Variants in PCBP3 observed in about 807,000 individuals in gnomAD.
PCBP3 encodes poly(rC)-binding protein 3.
A neutral mutation model predicts 52.7 loss-of-function variants in PCBP3; 25 were observed. The ratio of observed to expected loss-of-function variants is 0.47; its 90% CI spans 0.35 to 0.66. The LOEUF (loss-of-function observed/expected upper bound fraction) is 0.66, where lower values mean the gene tolerates loss of function less well. Ranked by LOEUF, PCBP3 falls within the 30% of genes least tolerant of loss-of-function variation. PCBP3 has a pLI of 0.01. For synonymous variants in PCBP3, 162 were observed against 183.0 expected, an observed-to-expected ratio of 0.89 and a Z score of 0.93; for missense variants, 391 against 490.3, an observed-to-expected ratio of 0.80 and a Z score of 1.91.
At position 45,650,772 on chromosome 21, in the gene PCBP3, G is replaced by C. The variant is rs540518953; in HGVS notation, c.-279+6904G>C. 5.9e-5 allele frequency among the ~76,000 whole-genome samples: 9 copies of C among 152,244 alleles called. No homozygotes were observed. In the South Asian group the frequency reaches 1.9e-3, roughly 32 times the overall value. On this transcript the variant is annotated intron_variant, in intron 1 of 17. Transcript: ENST00000681687. ...TATTTCCTGGAAATTTGGCAAAATC[G>C]ATTCTTAAATGGTCTGGATCTGGAC...
At chr21:45,768,754 G>A (rs2089594196) in intron 4 of PCBP3, among the ~76,000 whole-genome samples, 1 of 152,170 alleles carries the variant, frequency 6.6e-6, no homozygotes, top group Non-Finnish European at 1.5e-5. Context: ...CCCCATGGTG[G>A]CAGCAGGCTT....
chr21:45,912,324 C>T (rs2096412825), intron 11 of PCBP3, among the ~76,000 whole-genome samples: 1 of 152,206 alleles, frequency 6.6e-6, no homozygotes, highest in African/African-American at 2.4e-5. Context: ...ATCCCAAGTC[C>T]CAGGGGCCAT....
chr21:45,918,180 G>T (rs1603503455), intron 13 of PCBP3: 1 of 168,988 alleles, frequency 5.9e-6, no homozygotes, highest in Non-Finnish European at 1.3e-5. Context: ...TGGGATGCCA[G>T]GCGGGCATAG....
intron 4 of PCBP3, chr21:45,762,470 CT>C: frequency 7.0e-6 from 1 of 142,192 alleles, no homozygotes; most frequent in Non-Finnish European, 1.5e-5. Flanking sequence ...TGTGCTTCAC[CT>C]TTTTCTTTTC....
intron 5 of PCBP3, among the ~76,000 whole-genome samples, chr21:45,860,727 G>A (rs2148433005): frequency 6.6e-6 from 1 of 152,358 alleles, no homozygotes; most frequent in South Asian, 2.1e-4. Context: ...GGGGGAGATG[G>A]ACAGCCCTTC....
chr21:45,657,592 A>G (rs1433845897), intron 1 of PCBP3, among the ~76,000 whole-genome samples: 1 of 152,048 alleles, frequency 6.6e-6, no homozygotes. Flanking sequence ...GAGTCCTTCA[A>G]CTTTGGTCTT....
At chr21:45,743,374 G>C (rs1305631870) in intron 3 of PCBP3, among the ~76,000 whole-genome samples, 1 of 152,164 alleles carries the variant, frequency 6.6e-6, no homozygotes, top group Admixed American at 6.5e-5. Flanking sequence ...TCTTCATTAA[G>C]CTACAGAAGT....
rs1335043368 is a variant in PCBP3, at chr21:45,896,380, T to A, written c.165+18T>A. ...ATGGAAAGGTAAGAGGAGCCGCCATTGTCTCTGTAGGAAAGGCGGCCGCGG... is the reference window on the plus strand; with the variant it reads ...ATGGAAAGGTAAGAGGAGCCGCCATAGTCTCTGTAGGAAAGGCGGCCGCGG... On this transcript the variant is annotated intron_variant, in intron 6 of 17. Transcript: ENST00000681687. 3 of 1,551,074 alleles carry A rather than the reference T, an allele frequency of 1.9e-6. No homozygotes were observed. Among genetic ancestry groups the A allele is most frequent in the South Asian group, 2.4e-5 (2 of 84,056 alleles).
intron 4 of PCBP3, among the ~76,000 whole-genome samples, chr21:45,824,608 G>T (rs1473537508): frequency 6.6e-6 from 1 of 152,188 alleles, no homozygotes; most frequent in Non-Finnish European, 1.5e-5. Context: ...CCCTGCCCTG[G>T]TCTTGTCTCT....
chr21:45,698,834 A>G (rs1446876026), intron 2 of PCBP3, among the ~76,000 whole-genome samples: 1 of 152,194 alleles, frequency 6.6e-6, no homozygotes, highest in African/African-American at 2.4e-5. Context: ...ATGCATCATG[A>G]TGAATGATTC....
At chr21:45,699,211 G>A (rs1056919396) in intron 2 of PCBP3, among the ~76,000 whole-genome samples, 18 of 152,206 alleles carry the variant, frequency 1.2e-4, no homozygotes, top group Non-Finnish European at 1.9e-4. Flanking sequence ...AGTCCCCAGC[G>A]AGGCATGGCC....
intron 2 of PCBP3, among the ~76,000 whole-genome samples, chr21:45,692,890 A>T (rs2082565740): frequency 6.6e-6 from 1 of 152,330 alleles, no homozygotes; most frequent in South Asian, 2.1e-4. Flanking sequence ...AACATTATCA[A>T]ATCAAATCCA....
At chr21:45,818,306 C>A (rs1304012191) in intron 4 of PCBP3, among the ~76,000 whole-genome samples, 1 of 152,152 alleles carries the variant, frequency 6.6e-6, no homozygotes, top group Non-Finnish European at 1.5e-5. Flanking sequence ...CAGGTGTGAG[C>A]CACCGCGCCG....
chr21:45,660,165 A>G (rs1240163252), intron 1 of PCBP3, among the ~76,000 whole-genome samples: 3 of 151,844 alleles, frequency 2.0e-5, no homozygotes, highest in Non-Finnish European at 4.4e-5. Context: ...ATATGTATAT[A>G]TATGTATATA....
chr21:45,882,881 A>G (rs1260332976), intron 5 of PCBP3, among the ~76,000 whole-genome samples: 1 of 152,148 alleles, frequency 6.6e-6, no homozygotes, highest in African/African-American at 2.4e-5. Context: ...ACCGGCCTGC[A>G]TGTCGTTCTT....
At chr21:45,646,123 G>C (rs1219373179) in intron 1 of PCBP3, among the ~76,000 whole-genome samples, 108 of 137,828 alleles carry the variant, frequency 7.8e-4, no homozygotes, top group African/African-American at 2.9e-3. Context: ...GTGTGTGTGT[G>C]TGTGTGTGTG....
chr21:45,934,328 C>G (rs991680385), intron 15 of PCBP3, among the ~76,000 whole-genome samples: 1 of 152,046 alleles, frequency 6.6e-6, no homozygotes, highest in Non-Finnish European at 1.5e-5. Flanking sequence ...ATGCTGAGCA[C>G]GAAGAGCAGA....
chr21:45,717,450 C>T (rs1006023294), intron 2 of PCBP3, among the ~76,000 whole-genome samples: 7 of 152,120 alleles, frequency 4.6e-5, no homozygotes, highest in African/African-American at 9.7e-5. Flanking sequence ...TACTATTGTT[C>T]ATGATGTTAG....
chr21:45,850,335 C>G (rs2093945746), intron 5 of PCBP3, among the ~76,000 whole-genome samples: 1 of 152,166 alleles, frequency 6.6e-6, no homozygotes, highest in Non-Finnish European at 1.5e-5. Context: ...AGTGCCAGGC[C>G]AGGTGGTTCT....
Sources: allele counts gnomAD v4.1 joint callset (sites outside exome capture counted in the v4.1 genomes callset), GRCh38; gene constraint gnomAD v4.1.1; transcripts MANE v1.5; gene names NCBI Gene and HGNC (gene_info 2026-07-23, HGNC 2026-07-21).